The following ZNF385D variants were observed in gnomAD, a reference collection of about 807,000 sequenced individuals.
ZNF385D encodes the protein zinc finger protein 659.
Under a neutral mutation model 35.8 loss-of-function variants are expected in ZNF385D, and 15 were observed. That is an observed-to-expected ratio of 0.42 (90% CI 0.28 to 0.64). The LOEUF is 0.64. ZNF385D is among the 30% of genes least tolerant of loss of function. The probability of loss-of-function intolerance (pLI) is 0.23; values close to 1 mark genes in which losing one functional copy is unlikely to be tolerated. For missense variants in ZNF385D, 474 were observed against 494.6 expected (o/e 0.96, Z 0.39); for synonymous variants, 212 against 186.8 (o/e 1.13, Z -1.10).
chr3:21,570,593 A>G (rs2063306199), intron 2 of ZNF385D, among the ~76,000 whole-genome samples: 3 of 152,166 alleles, frequency 2.0e-5, no homozygotes, highest in African/African-American at 7.2e-5. Flanking sequence ...ATTTGTATGT[A>G]ATAATGTCCA....
chr3:22,160,160 G>A (rs931834411), intron 3 of ZNF385D, among the ~76,000 whole-genome samples: 4 of 152,020 alleles, frequency 2.6e-5, no homozygotes, highest in African/African-American at 7.2e-5. Flanking sequence ...GGAACTGTGA[G>A]TGAAATCTTT....
chr3:22,317,608 A>G (rs1365375899), intron 2 of ZNF385D, among the ~76,000 whole-genome samples: 5 of 152,174 alleles, frequency 3.3e-5, no homozygotes, highest in African/African-American at 1.2e-4. Context: ...CTGACCCTCA[A>G]AATAATTTTC....
chr3:22,095,714 A>C, intron 3 of ZNF385D, among the ~76,000 whole-genome samples: 1 of 152,090 alleles, frequency 6.6e-6, no homozygotes, highest in East Asian at 1.9e-4. Flanking sequence ...TTAAAATAAA[A>C]GTATTCTTTA....
At chr3:22,122,940 A>G (rs1335691673) in intron 3 of ZNF385D, among the ~76,000 whole-genome samples, 2 of 152,234 alleles carry the variant, frequency 1.3e-5, no homozygotes, top group Admixed American at 6.5e-5. Context: ...AAATGATTTA[A>G]GAAAAGTATT....
At chr3:21,481,067 A>G (rs1344444505) in intron 4 of ZNF385D, among the ~76,000 whole-genome samples, 1 of 152,210 alleles carries the variant, frequency 6.6e-6, no homozygotes, top group Non-Finnish European at 1.5e-5. Flanking sequence ...GTGAGAAACA[A>G]AAAGCTGTCT....
At chr3:22,292,809 T>C (rs562327081) in intron 2 of ZNF385D, among the ~76,000 whole-genome samples, 118 of 152,218 alleles carry the variant, frequency 7.8e-4, no homozygotes, top group Non-Finnish European at 1.4e-3. Flanking sequence ...TTATATTACT[T>C]TCTGGGGGCA....
intron 3 of ZNF385D, among the ~76,000 whole-genome samples, chr3:21,949,281 T>C (rs935796355): frequency 3.9e-5 from 6 of 152,206 alleles, no homozygotes; most frequent in Admixed American, 1.3e-4. Context: ...GGTGTCCTTT[T>C]AGATATTTGT....
intron 3 of ZNF385D, among the ~76,000 whole-genome samples, chr3:22,006,561 G>T (rs1327525136): frequency 6.6e-6 from 1 of 151,954 alleles, no homozygotes; most frequent in Admixed American, 6.6e-5. Context: ...TAAAAAGTCG[G>T]ATCACAGATG....
chr3:21,704,844 C>G (rs982101004), intron 1 of ZNF385D, among the ~76,000 whole-genome samples: 2 of 152,190 alleles, frequency 1.3e-5, no homozygotes, highest in African/African-American at 4.8e-5. Context: ...TCTCACATTT[C>G]TCACATAGTG....
At chr3:22,202,962 G>A (rs1696902330) in intron 2 of ZNF385D, among the ~76,000 whole-genome samples, 2 of 152,004 alleles carry the variant, frequency 1.3e-5, no homozygotes, top group South Asian at 4.1e-4. Flanking sequence ...TGCAATCTAA[G>A]CCACAAAAAT....
chr3:22,198,824 G>C (rs574362751), intron 2 of ZNF385D, among the ~76,000 whole-genome samples: 2 of 152,122 alleles, frequency 1.3e-5, no homozygotes, highest in South Asian at 2.1e-4. Context: ...TCTTAAGTTA[G>C]ATTTCACCAC....
intron 3 of ZNF385D, among the ~76,000 whole-genome samples, chr3:22,094,493 C>G (rs1701511102): frequency 7.2e-6 from 1 of 139,160 alleles, no homozygotes; most frequent in Non-Finnish European, 1.6e-5. Context: ...GAGGGTAACT[C>G]CCATGAAATA....
chr3:21,844,304 T>A (rs1695863762), intron 3 of ZNF385D, among the ~76,000 whole-genome samples: 1 of 151,922 alleles, frequency 6.6e-6, no homozygotes, highest in African/African-American at 2.4e-5. Context: ...AGTGTTTTTA[T>A]TAAAGGAAAT....
intron 3 of ZNF385D, among the ~76,000 whole-genome samples, chr3:21,895,840 A>C (rs1699107052): frequency 6.6e-6 from 1 of 152,172 alleles, no homozygotes; most frequent in Non-Finnish European, 1.5e-5. Flanking sequence ...AGGGATGTTA[A>C]GATCTTGGAC....
At chr3:21,886,367 GA>G (rs970437568) in intron 3 of ZNF385D, among the ~76,000 whole-genome samples, 16 of 64,152 alleles carry the variant, frequency 2.5e-4, no homozygotes, top group African/African-American at 9.5e-4. Context: ...TAATGAGGAA[GA>G]AAAAAAAAAC....
chr3:22,030,821 G>A (rs1170631314), intron 3 of ZNF385D, among the ~76,000 whole-genome samples: 1 of 152,120 alleles, frequency 6.6e-6, no homozygotes, highest in African/African-American at 2.4e-5. Context: ...AGTGTCATCT[G>A]AGACAAGTCC....
intron 3 of ZNF385D, among the ~76,000 whole-genome samples, chr3:21,530,483 C>T (rs1265171876): frequency 6.6e-6 from 1 of 152,074 alleles, no homozygotes; most frequent in Admixed American, 6.6e-5. Flanking sequence ...TTACCAAACT[C>T]CCAGATTCAT....
intron 3 of ZNF385D, among the ~76,000 whole-genome samples, chr3:21,853,717 C>T (rs948121949): frequency 2.6e-5 from 4 of 151,644 alleles, no homozygotes; most frequent in South Asian, 4.1e-4. Context: ...CATTTCATCA[C>T]GATGAGTGAA....
intron 2 of ZNF385D, among the ~76,000 whole-genome samples, chr3:22,245,143 T>C (rs1410488180): frequency 6.6e-6 from 1 of 152,162 alleles, no homozygotes; most frequent in East Asian, 1.9e-4. Flanking sequence ...AGTTTGGGGA[T>C]AAAGTCTGAA....
Sources: allele counts gnomAD v4.1 joint callset (sites outside exome capture counted in the v4.1 genomes callset), GRCh38; gene constraint gnomAD v4.1.1; transcripts MANE v1.5; gene names NCBI Gene and HGNC (gene_info 2026-07-23, HGNC 2026-07-21).